ZAP70: variants seen among roughly 807,000 people sequenced by gnomAD.
ZAP70 encodes zeta chain of T cell receptor associated protein kinase 70.
Under a neutral mutation model 65.8 loss-of-function variants are expected in ZAP70, and 27 were observed. The ratio of observed to expected loss-of-function variants is 0.41; its 90% CI spans 0.30 to 0.57. ZAP70 has a LOEUF of 0.57. Ranked by LOEUF, ZAP70 falls within the 20% of genes least tolerant of loss-of-function variation. The probability of loss-of-function intolerance (pLI) is 0.28; values close to 1 mark genes in which losing one functional copy is unlikely to be tolerated. For missense variants in ZAP70, 696 were observed against 870.5 expected (o/e 0.80, Z 2.52); for synonymous variants, 363 against 360.8 (o/e 1.01, Z -0.07).
Position 97,737,737 on chromosome 2 carries a change from C to A in ZAP70, c.1483-20C>A, listed in dbSNP as rs201451319. 1.2e-6 allele frequency: 2 copies of A among 1,614,128 alleles called. No homozygotes were observed. The highest frequency in any genetic ancestry group is 1.7e-6 in the Non-Finnish European group (2 of 1,179,990). On this transcript the variant is annotated intron_variant, in intron 11 of 13. Transcript: ENST00000264972. The surrounding 1 kb of genome is among the most constrained non-coding windows in gnomAD (Gnocchi z 5.0). ...AGAGGGTCCCTGACCCCTGATCCAG[C>A]AGCATCTCCCCCTCCCCAGGCCCGC...
chr2:97,733,871 G>A (rs1573281265), intron 8 of ZAP70: 3 of 565,348 alleles, frequency 5.3e-6, no homozygotes, highest in South Asian at 2.0e-5. Context: ...TGTCAGTCAC[G>A]TTCCGAGGTC....
the ZAP70 span, among the ~76,000 whole-genome samples, chr2:97,744,912 G>T: frequency 6.6e-6 from 1 of 152,170 alleles, no homozygotes; most frequent in African/African-American, 2.4e-5. Context: ...AAACAAAGAG[G>T]TAAATATTTT....
intron 2 of ZAP70, among the ~76,000 whole-genome samples, chr2:97,718,859 T>C (rs371775653): frequency 6.6e-6 from 1 of 152,342 alleles, no homozygotes; most frequent in African/African-American, 2.4e-5. Context: ...TGCCTCATCC[T>C]GCATCCTCAT....
rs901173077 is a variant in ZAP70 at position 97,731,074 on chromosome 2, A to G, written c.564-1809A>G. The stretch of plus-strand genomic sequence containing the variant: ...GGTCTCAAAAAAAAAAAAAAAAAAA[A>G]AGAGACAGAGGAGGGGAGATGGGAG... On this transcript the variant is annotated intron_variant, in intron 4 of 13. Coordinates refer to ENST00000264972, the MANE Select transcript of ZAP70 (RefSeq NM_001079.4). The surrounding 1 kb of genome is among the most constrained non-coding windows in gnomAD (Gnocchi z 4.0). Among the ~76,000 whole-genome samples the G allele has an allele frequency of 2.6e-5, 4 of 151,480 alleles. No homozygotes were observed. Among genetic ancestry groups the G allele is most frequent in the Non-Finnish European group, 5.9e-5 (4 of 67,876 alleles).
At chr2:97,732,750 T>C in intron 4 of ZAP70, 133 bp from the exon 5 acceptor site, 1 of 1,359,808 alleles carries the variant, frequency 7.4e-7, no homozygotes, top group East Asian at 2.5e-5. Context: ...CTGGCCTGGC[T>C]TCCCCAGTCC....
At chr2:97,726,548 A>T (rs115792658) in intron 4 of ZAP70, among the ~76,000 whole-genome samples, 3 of 152,334 alleles carry the variant, frequency 2.0e-5, no homozygotes, top group East Asian at 3.9e-4. Flanking sequence ...TCCTCTCCTG[A>T]GGTCAACCCA....
chr2:97,737,240 C>G lies in ZAP70; in HGVS notation c.1290-233C>G, dbSNP rs908957903. ...CAGGCATAGGTCTAGACTTGGGAGTCGTAGCGTGTGGGTGATCCCTAAAGC... is the reference window on the plus strand; with the variant it reads ...CAGGCATAGGTCTAGACTTGGGAGTGGTAGCGTGTGGGTGATCCCTAAAGC... On this transcript the variant is annotated intron_variant, in intron 10 of 13. Transcript: ENST00000264972. The surrounding 1 kb of genome is among the most constrained non-coding windows in gnomAD (Gnocchi z 5.0). Among the ~76,000 whole-genome samples the G allele has an allele frequency of 6.6e-6, 1 of 152,076 alleles. No individual in the cohort carries two copies. The highest frequency in any genetic ancestry group is 2.4e-5 in the African/African-American group (1 of 41,398).
At chr2:97,734,219 A>T in intron 8 of ZAP70, 1 of 599,122 alleles carries the variant, frequency 1.7e-6, no homozygotes, top group Non-Finnish European at 2.6e-6. Context: ...CCATAGGCGT[A>T]CACGTACGAA....
intron 4 of ZAP70, among the ~76,000 whole-genome samples, chr2:97,728,909 C>G (rs1443824533): frequency 6.6e-6 from 1 of 152,334 alleles, no homozygotes; most frequent in East Asian, 1.9e-4. Flanking sequence ...TGCACCACCA[C>G]GCTTGGCTAA....
At chr2:97,716,042 G>T (rs1313366454) in intron 2 of ZAP70, among the ~76,000 whole-genome samples, 2 of 152,180 alleles carry the variant, frequency 1.3e-5, no homozygotes, top group African/African-American at 4.8e-5. Flanking sequence ...CCTAGGGGAG[G>T]TGCCTGACCC....
At chr2:97,730,307 G>T (rs1033498736) in intron 4 of ZAP70, among the ~76,000 whole-genome samples, 1 of 152,210 alleles carries the variant, frequency 6.6e-6, no homozygotes, top group Non-Finnish European at 1.5e-5. Context: ...AATTTGGGCT[G>T]AGTTCAGCTG....
chr2:97,723,198 A>AGAG (rs1677226005), intron 2 of ZAP70, among the ~76,000 whole-genome samples: 1 of 152,240 alleles, frequency 6.6e-6, no homozygotes, highest in Non-Finnish European at 1.5e-5. Flanking sequence ...TTAAACCCTA[A>AGAG]TGCATTTAAC....
chr2:97,733,482 T>C (rs746322954), intron 7 of ZAP70, 62 bp from the exon 8 acceptor site: 10 of 1,609,470 alleles, frequency 6.2e-6, no homozygotes, highest in Middle Eastern at 1.6e-4. Flanking sequence ...TCAGTGGATA[T>C]AGGTCTCATG....
chr2:97,733,662 G>T, intron 8 of ZAP70, 67 bp downstream of exon 8: 1 of 1,605,562 alleles, frequency 6.2e-7, no homozygotes, highest in African/African-American at 1.3e-5. Context: ...TCGCTGTCAG[G>T]GCTGTGGGGT....
chr2:97,755,969 TTCC>T, the ZAP70 span, among the ~76,000 whole-genome samples: 4 of 152,190 alleles, frequency 2.6e-5, no homozygotes, highest in Admixed American at 2.6e-4. Context: ...CCCAGCCAGG[TTCC>T]TCAAGTATAA....
At chr2:97,743,552 T>C (rs1678180952), downstream of ZAP70, among the ~76,000 whole-genome samples, 1 of 152,200 alleles carries the variant, frequency 6.6e-6, no homozygotes, top group Non-Finnish European at 1.5e-5. Context: ...GTCAGGCTGG[T>C]CTTGAACTCC....
At chr2:97,755,601 C>T in the ZAP70 span, among the ~76,000 whole-genome samples, 5 of 152,208 alleles carry the variant, frequency 3.3e-5, no homozygotes, top group African/African-American at 1.2e-4. Flanking sequence ...CCCTTGTCTC[C>T]AAGCCATCAT....
At chr2:97,745,748 T>G in the ZAP70 span, among the ~76,000 whole-genome samples, 3 of 152,198 alleles carry the variant, frequency 2.0e-5, no homozygotes, top group Admixed American at 6.5e-5. Context: ...GAAAGCAGTT[T>G]GATGTTTCCC....
the ZAP70 span, among the ~76,000 whole-genome samples, chr2:97,746,985 T>G: frequency 2.0e-5 from 3 of 152,164 alleles, no homozygotes; most frequent in Non-Finnish European, 4.4e-5. Context: ...CTCAACATTA[T>G]TAATCATTAG....
Sources: gnomAD v4.1 joint callset for allele counts (sites outside exome capture counted in the v4.1 genomes callset) on GRCh38, gnomAD v4.1.1 for gene constraint, Gnocchi (gnomAD v3.1) non-coding constraint, MANE v1.5 for transcripts, NCBI Gene and HGNC (gene_info 2026-07-23, HGNC 2026-07-21) for gene names.